The following FCER1A variants were observed in gnomAD, a reference collection of about 807,000 sequenced individuals.
FCER1A encodes Fc epsilon receptor Ia.
In FCER1A, 24 loss-of-function variants were observed where a neutral mutation model predicts 23.6. That is an observed-to-expected ratio of 1.02 (90% CI 0.74 to 1.43). FCER1A has a LOEUF of 1.43. FCER1A is among the 40% of genes most tolerant of loss of function. The pLI, the probability that FCER1A is intolerant of heterozygous loss-of-function variation, is 0.00. For missense variants in FCER1A, 318 were observed against 294.5 expected (o/e 1.08, Z -0.58); for synonymous variants, 121 against 108.8 (o/e 1.11, Z -0.70).
upstream of FCER1A, among the ~76,000 whole-genome samples, chr1:159,289,252 GGCAAGA>G: frequency 6.6e-6 from 1 of 152,292 alleles, no homozygotes; most frequent in Non-Finnish European, 1.5e-5. Flanking sequence ...CAACCTGGCA[GGCAAGA>G]TAGGAGAGTG....
At chr1:159,293,363 CTA>C (rs1221538520) in intron 1 of FCER1A, among the ~76,000 whole-genome samples, 1 of 151,776 alleles carries the variant, frequency 6.6e-6, no homozygotes, top group Non-Finnish European at 1.5e-5. Context: ...TGCTTCAGCC[CTA>C]ATGTCCTTCT....
chr1:159,301,373 G>A (rs1202484491), upstream of FCER1A, among the ~76,000 whole-genome samples: 6 of 152,064 alleles, frequency 3.9e-5, no homozygotes, highest in Admixed American at 2.6e-4. Context: ...AAAAACAGAA[G>A]AATTAGTAAA....
At chr1:159,302,833 A>G (rs777195714) in intron 1 of FCER1A, 21 bp from the exon 2 acceptor site, 49 of 1,610,798 alleles carry the variant, frequency 3.0e-5, no homozygotes, top group Non-Finnish European at 4.2e-5. Context: ...ACACTAATGT[A>G]TCCTCTCTGG....
At chr1:159,300,487 A>G (rs1039840503), upstream of FCER1A, among the ~76,000 whole-genome samples, 1 of 151,942 alleles carries the variant, frequency 6.6e-6, no homozygotes, top group African/African-American at 2.4e-5. Context: ...CATCTTCCCT[A>G]TTTCCTCCTC....
At chr1:159,298,816 T>A (rs763429730), upstream of FCER1A, among the ~76,000 whole-genome samples, 1 of 152,222 alleles carries the variant, frequency 6.6e-6, no homozygotes, top group Admixed American at 6.5e-5. Flanking sequence ...AGGGAACTTA[T>A]AGAACAGAAA....
In FCER1A at chr1:159,306,082, G is replaced by A. The variant is rs1467004457; in HGVS notation, c.426G>A (p.Lys142=). 1.2e-6 allele frequency: 2 copies of A among 1,614,166 alleles called. No homozygotes were observed. The highest frequency in any genetic ancestry group is 1.3e-5 in the African/African-American group (1 of 75,050). Residue 142 remains lysine (K), a synonymous_variant, in exon 4 of 5, where the codon AAG becomes AAA. Coordinates refer to ENST00000693622, the MANE Select transcript of FCER1A (RefSeq NM_001387280.1). ...CHGWRNWDVY[K]VIYYKDGEAL... ...GTTGGAGGAACTGGGATGTGTACAA[G>A]GTGATCTATTATAAGGATGGTGAAG...
upstream of FCER1A, among the ~76,000 whole-genome samples, chr1:159,288,253 A>G (rs1457499265): frequency 1.3e-5 from 2 of 152,212 alleles, no homozygotes; most frequent in East Asian, 3.8e-4. Flanking sequence ...GAGACTGGTC[A>G]GCTCCAGTGA....
chr1:159,305,007 T>C (rs923768639), intron 3 of FCER1A, among the ~76,000 whole-genome samples: 4 of 152,148 alleles, frequency 2.6e-5, no homozygotes, highest in Non-Finnish European at 5.9e-5. Flanking sequence ...TGCCAACAAA[T>C]AGCATAGCAT....
intron 1 of FCER1A, among the ~76,000 whole-genome samples, chr1:159,296,672 AATT>A (rs1159765384): frequency 6.6e-6 from 1 of 152,220 alleles, no homozygotes; most frequent in Non-Finnish European, 1.5e-5. Flanking sequence ...GAATCAGGCC[AATT>A]ATTTAGTATG....
At position 159,307,811 on chromosome 1, in the gene FCER1A, T is replaced by G; in HGVS notation, c.653T>G (p.Val218Gly). The change falls in exon 5 of 5, where the codon GTG becomes GGG. Residue 218 changes from valine to glycine, a missense_variant. Coordinates refer to ENST00000693622, the MANE Select transcript of FCER1A (RefSeq NM_001387280.1). ...TTGTTGGTGGTGATTCTGTTTGCTG[T>G]GGACACAGGATTATTTATCTCAACT... ...IPLLVVILFA[V>G]DTGLFISTQQ... 1 of 1,613,210 alleles carries G rather than the reference T, an allele frequency of 6.2e-7. No homozygotes were observed. Among genetic ancestry groups the G allele is most frequent in the Non-Finnish European group, 8.5e-7 (1 of 1,179,224 alleles).
In FCER1A at chr1:159,304,030, G is replaced by T. The variant is rs778581834; in HGVS notation, c.179G>T (p.Ser60Ile). Reference sequence around the variant, plus strand: ...AATGGGAACAATTTCTTTGAAGTCAGTTCCACCAAATGGTTCCACAATGGC... The same window carrying T: ...AATGGGAACAATTTCTTTGAAGTCATTTCCACCAAATGGTTCCACAATGGC... ...TCNGNNFFEV[S>I]STKWFHNGSL... The change falls in exon 3 of 5, where the codon AGT becomes ATT. Residue 60 changes from serine to isoleucine, a missense_variant. Transcript: ENST00000693622. 8 of 1,614,118 alleles carry T rather than the reference G, an allele frequency of 5.0e-6. No homozygotes were observed. Among genetic ancestry groups the T allele is most frequent in the South Asian group, 4.4e-5 (4 of 91,082 alleles).
rs2298804 is a variant in FCER1A, at chr1:159,304,102, A to G, written c.251A>G (p.Lys84Arg). 2,994 of 1,614,048 alleles carry G rather than the reference A, an allele frequency of 1.9e-3. 145 individuals carry two copies. In the East Asian group the frequency reaches 0.051, roughly 28 times the overall value. ...TCAAGTTTGAATATTGTGAATGCCA[A>G]ATTTGAAGACAGTGGAGAATACAAA... ...TNSSLNIVNAKFEDSGEYKCQ... is the reference protein window; with the variant it reads ...TNSSLNIVNARFEDSGEYKCQ... The change falls in exon 3 of 5, where the codon AAA (lysine) becomes AGA (arginine). Residue 84 changes from lysine (K) to arginine (R), a missense_variant. Lys to Arg is a conservative substitution (Grantham distance 26). Transcript: ENST00000693622.
intron 1 of FCER1A, among the ~76,000 whole-genome samples, chr1:159,295,212 T>C (rs940501325): frequency 3.9e-5 from 6 of 152,180 alleles, no homozygotes; most frequent in African/African-American, 1.2e-4. Context: ...TTACCTATGA[T>C]AAAGAGGGTT....
At chr1:159,291,681 T>C (rs897379537) in intron 1 of FCER1A, among the ~76,000 whole-genome samples, 3 of 152,086 alleles carry the variant, frequency 2.0e-5, no homozygotes, top group Non-Finnish European at 2.9e-5. Context: ...ACAAATACAA[T>C]CCAGCATCTT....
upstream of FCER1A, among the ~76,000 whole-genome samples, chr1:159,299,538 A>G (rs1388319766): frequency 6.6e-6 from 1 of 152,208 alleles, no homozygotes; most frequent in Admixed American, 6.5e-5. Context: ...ACTGCTACAA[A>G]ATGAAATATA....
upstream of FCER1A, among the ~76,000 whole-genome samples, chr1:159,288,552 T>C (rs1353094051): frequency 2.0e-5 from 3 of 152,196 alleles, no homozygotes; most frequent in Non-Finnish European, 2.9e-5. Context: ...ATGGTGAATG[T>C]CATTTACTCT....
chr1:159,307,869 G>A lies in FCER1A; in HGVS notation c.711G>A (p.Lys237=), dbSNP rs867893538. Residue 237 remains lysine, a synonymous_variant, in exon 5 of 5, where the codon AAG becomes AAA. Coordinates refer to ENST00000693622, the MANE Select transcript of FCER1A (RefSeq NM_001387280.1). The stretch of plus-strand genomic sequence containing the variant: ...AGGTCACATTTCTCTTGAAGATTAA[G>A]AGAACCAGGAAAGGCTTCAGACTTC... The part of the protein sequence containing the change: ...QQQVTFLLKI[K]RTRKGFRLLN... The A allele has an allele frequency of 6.2e-7, 1 of 1,613,586 alleles. No homozygotes were observed. The highest frequency in any genetic ancestry group is 2.2e-5 in the East Asian group (1 of 44,874).
upstream of FCER1A, among the ~76,000 whole-genome samples, chr1:159,297,904 T>C (rs1002584430): frequency 6.6e-6 from 1 of 152,082 alleles, no homozygotes; most frequent in African/African-American, 2.4e-5. Context: ...GAAGGAAAAC[T>C]TTTTTATACT....
intron 1 of FCER1A, among the ~76,000 whole-genome samples, chr1:159,293,739 C>G (rs1393099888): frequency 6.6e-6 from 1 of 151,964 alleles, no homozygotes; most frequent in Non-Finnish European, 1.5e-5. Context: ...CTTTTTATGG[C>G]TGCATAGTAT....
Sources: allele counts gnomAD v4.1 joint callset (sites outside exome capture counted in the v4.1 genomes callset), GRCh38; gene constraint gnomAD v4.1.1; transcripts MANE v1.5; gene names NCBI Gene and HGNC (gene_info 2026-07-23, HGNC 2026-07-21).